The following TDRD5 variants were observed in gnomAD, a reference collection of about 807,000 sequenced individuals.
TDRD5 encodes the protein tudor domain containing 5, also known as tudor domain-containing protein 5.
Under a neutral mutation model 120.6 loss-of-function variants are expected in TDRD5, and 41 were observed. The ratio of observed to expected loss-of-function variants is 0.34; its 90% confidence interval spans 0.26 to 0.44. The LOEUF (loss-of-function observed/expected upper bound fraction) is 0.44, where lower values mean the gene tolerates loss of function less well. TDRD5 is among the 20% of genes least tolerant of loss of function. The pLI is 1.00. For missense variants in TDRD5, 1,006 were observed against 1,221.2 expected, an observed-to-expected ratio of 0.82 and a Z score of 2.63; for synonymous variants, 430 against 433.7, an observed-to-expected ratio of 0.99 and a Z score of 0.11.
rs1475170497 is a variant in TDRD5, at chr1:179,680,345, T to C, written c.2861-10351T>C. ...GTGTTGTTTGAATCGTCTGTATCCT[T>C]ACTAGTTTTCTAATTTTTCAATCAA... On this transcript the variant is annotated intron_variant, in intron 17 of 17. Transcript: ENST00000444136. Among the ~76,000 whole-genome samples, 5 of 152,360 alleles carry C rather than the reference T, an allele frequency of 3.3e-5. No homozygotes were observed. The East Asian group carries it at 9.6e-4, about 29-fold the overall frequency.
At position 179,634,530 on chromosome 1, in the gene TDRD5, T is replaced by C. The variant is rs766228427; in HGVS notation, c.1200T>C (p.Ala400=). ...CTAGAAATTCATTGTCTACTGCTGCTGTCAAAGAGACTGTATGGAATTGCC... is the reference window on the plus strand; with the variant it reads ...CTAGAAATTCATTGTCTACTGCTGCCGTCAAAGAGACTGTATGGAATTGCC... ...SPPRNSLSTA[A]VKETVWNCPS... Residue 400 remains alanine, a synonymous_variant, in exon 8 of 18, where the codon GCT becomes GCC. Coordinates refer to ENST00000444136, the MANE Select transcript of TDRD5 (RefSeq NM_001199085.3). 6.2e-7 allele frequency: 1 copy of C among 1,613,770 alleles called. No homozygotes were observed. The highest frequency in any genetic ancestry group is 1.7e-5 in the Admixed American group (1 of 59,916).
rs1299111149 is a variant in TDRD5 at position 179,634,505 on chromosome 1, C to G, written c.1175C>G (p.Pro392Arg). The change falls in exon 8 of 18, where the codon CCT becomes CGT. Residue 392 changes from proline (P) to arginine (R), a missense_variant. Pro to Arg is a moderately radical substitution (Grantham distance 103). Transcript: ENST00000444136. ...IEAKACVSSP[P>R]RNSLSTAAVK... Reference sequence around the variant, plus strand: ...GCCAAAGCTTGTGTCTCCAGTCCACCTAGAAATTCATTGTCTACTGCTGCT... The same window carrying G: ...GCCAAAGCTTGTGTCTCCAGTCCACGTAGAAATTCATTGTCTACTGCTGCT... 1.2e-6 allele frequency: 2 copies of G among 1,611,232 alleles called. No homozygotes were observed. The highest frequency in any genetic ancestry group is 2.7e-5 in the African/African-American group (2 of 74,736).
At chr1:179,684,332 A>ATTC (rs1680588192) in intron 17 of TDRD5, among the ~76,000 whole-genome samples, 4 of 152,178 alleles carry the variant, frequency 2.6e-5, no homozygotes, top group Non-Finnish European at 5.9e-5. Flanking sequence ...TTTGCTCAGA[A>ATTC]TGATGGTTTC....
Position 179,654,185 on chromosome 1 carries a change from C to G in TDRD5, c.2161-16C>G, listed in dbSNP as rs1461089692. The G allele has an allele frequency of 2.0e-6, 3 of 1,495,756 alleles. No individual in the cohort carries two copies. Among genetic ancestry groups the G allele is most frequent in the African/African-American group, 2.8e-5 (2 of 70,768 alleles). The allele number at this position is 1,495,756 out of a possible 1,614,324, so 92.7% of individuals were successfully genotyped here. On this transcript the variant is annotated splice_polypyrimidine_tract_variant and intron_variant, in intron 13 of 17. Coordinates refer to ENST00000444136, the MANE Select transcript of TDRD5 (RefSeq NM_001199085.3). ...TTAATATTTAAAATAAAGGAATTCT[C>G]TTTCATATCTACTAGCAAGATATTA...
At chr1:179,668,808 C>A (rs1025453346) in intron 16 of TDRD5, among the ~76,000 whole-genome samples, 2 of 142,106 alleles carry the variant, frequency 1.4e-5, no homozygotes, top group African/African-American at 5.1e-5. Context: ...GGTGGCGCAA[C>A]CTCGGCTCAC....
At chr1:179,661,212 T>A (rs1679295520) in intron 14 of TDRD5, among the ~76,000 whole-genome samples, 1 of 152,202 alleles carries the variant, frequency 6.6e-6, no homozygotes, top group African/African-American at 2.4e-5. Flanking sequence ...ATCTGTAGAT[T>A]TATGTCTTTC....
chr1:179,648,452 T>G (rs866673698), intron 11 of TDRD5, among the ~76,000 whole-genome samples: 156 of 37,218 alleles, frequency 4.2e-3, no homozygotes, highest in Middle Eastern at 0.015. Flanking sequence ...TGTTGTGGGG[T>G]GGGGGGGGGG....
At chr1:179,648,929 TG>T (rs1327422242) in intron 11 of TDRD5, among the ~76,000 whole-genome samples, 1 of 152,164 alleles carries the variant, frequency 6.6e-6, no homozygotes, top group East Asian at 1.9e-4. Context: ...GTAGCAAAGT[TG>T]TGTTTATCTG....
chr1:179,648,781 A>G (rs1678550094), intron 11 of TDRD5, among the ~76,000 whole-genome samples: 3 of 110,142 alleles, frequency 2.7e-5, no homozygotes. Flanking sequence ...TAAATACTAA[A>G]AAACAATAAA....
rs757879830 is a variant in TDRD5 at position 179,652,229 on chromosome 1, C to A, written c.2160+32C>A. ...GATTTTTGCAAATACTATTATAATT[C>A]TTTTTATTACTGTAATCCTCATTTT... On this transcript the variant is annotated intron_variant, in intron 13 of 17. Transcript: ENST00000444136. 7 of 1,557,136 alleles carry A rather than the reference C, an allele frequency of 4.5e-6. No homozygotes were observed. In the Admixed American group the frequency reaches 6.3e-5, roughly 14 times the overall value.
intron 11 of TDRD5, among the ~76,000 whole-genome samples, chr1:179,645,276 G>A (rs941114925): frequency 6.6e-6 from 1 of 150,656 alleles, no homozygotes; most frequent in Non-Finnish European, 1.5e-5. Flanking sequence ...TAGTAGAGAC[G>A]GGGTTTCACC....
chr1:179,654,364 T>C lies in TDRD5; in HGVS notation c.2322+2T>C. The C allele has an allele frequency of 6.6e-7, 1 of 1,524,636 alleles. No homozygotes were observed. The allele number at this position is 1,524,636 out of a possible 1,614,324, so 94.4% of individuals were successfully genotyped here. Reference sequence around the variant, plus strand: ...AACGATCTGAAGGAAGAAAATGAGGTAGGAGAAGGAAAGATAGTCTTTGAA... The same window carrying C: ...AACGATCTGAAGGAAGAAAATGAGGCAGGAGAAGGAAAGATAGTCTTTGAA... On this transcript the variant is annotated splice_donor_variant, in intron 14 of 17. Coordinates refer to ENST00000444136, the MANE Select transcript of TDRD5 (RefSeq NM_001199085.3). LOFTEE classifies it high-confidence loss of function.
intron 17 of TDRD5, among the ~76,000 whole-genome samples, chr1:179,679,344 G>A (rs971286699): frequency 1.6e-4 from 24 of 151,992 alleles, no homozygotes; most frequent in African/African-American, 5.6e-4. Context: ...TAATGTCTTT[G>A]TCTGGTTTTG....
At chr1:179,668,779 G>T (rs1262073123) in intron 16 of TDRD5, among the ~76,000 whole-genome samples, 1 of 123,766 alleles carries the variant, frequency 8.1e-6, no homozygotes, top group Non-Finnish European at 1.6e-5. Context: ...GTCTCGCTCT[G>T]TCGCCCAGGC....
intron 17 of TDRD5, among the ~76,000 whole-genome samples, chr1:179,675,792 TAAG>T (rs1680115397): frequency 6.6e-6 from 1 of 152,226 alleles, no homozygotes; most frequent in Non-Finnish European, 1.5e-5. Context: ...TCATGTGGTC[TAAG>T]AGAATGTTCC....
rs369878603 is a variant in TDRD5, at chr1:179,645,186, C to T, written c.1800+4741C>T. On this transcript the variant is annotated intron_variant, in intron 11 of 17. Transcript: ENST00000444136. ...CTGCAAGCTCCGCCTCCCGGGTTCA[C>T]GCCATTCTCCTGCCTCAGCCTCCCA... 9.0e-3 allele frequency among the ~76,000 whole-genome samples: 1,322 copies of T among 146,142 alleles called. 45 individuals carry two copies. Among genetic ancestry groups the T allele is most frequent in the East Asian group, 0.064 (320 of 5,036 alleles).
chr1:179,689,166 C>G (rs1171947759), intron 17 of TDRD5, among the ~76,000 whole-genome samples: 3 of 152,184 alleles, frequency 2.0e-5, no homozygotes, highest in African/African-American at 7.2e-5. Flanking sequence ...GCTCTGGTTT[C>G]TCCCCATCTT....
chr1:179,669,054 A>G, intron 16 of TDRD5, 140 bp from the exon 17 acceptor site: 2 of 844,624 alleles, frequency 2.4e-6, no homozygotes, highest in Non-Finnish European at 1.7e-6. Context: ...GAGAGTATCT[A>G]GGTTCTTGAA....
At chr1:179,610,931 T>C (rs1399360440) in intron 4 of TDRD5, among the ~76,000 whole-genome samples, 1 of 152,186 alleles carries the variant, frequency 6.6e-6, no homozygotes, top group Non-Finnish European at 1.5e-5. Context: ...AGTGTATTCA[T>C]TCATTGACAT....
Sources: gnomAD v4.1 joint callset for allele counts (sites outside exome capture counted in the v4.1 genomes callset) on GRCh38, gnomAD v4.1.1 for gene constraint, MANE v1.5 for transcripts, NCBI Gene and HGNC (gene_info 2026-07-23, HGNC 2026-07-21) for gene names.